Variants in MAK observed in about 807,000 individuals in gnomAD.
The protein encoded by MAK is serine/threonine-protein kinase MAK.
Under a neutral mutation model 82.6 loss-of-function variants are expected in MAK, and 65 were observed. The observed-to-expected ratio is 0.79, with a 90% confidence interval of 0.64 to 0.97. The LOEUF is 0.97. MAK is among the 50% of genes least tolerant of loss of function. MAK has a pLI of 0.00. For synonymous variants in MAK, 250 were observed against 274.2 expected, an observed-to-expected ratio of 0.91 and a Z score of 0.87; for missense variants, 703 against 780.2, an observed-to-expected ratio of 0.90 and a Z score of 1.18.
intron 1 of MAK, among the ~76,000 whole-genome samples, chr6:10,837,009 T>G (rs570078668): frequency 2.2e-4 from 34 of 152,346 alleles, no homozygotes; most frequent in African/African-American, 7.2e-4. Flanking sequence ...TCTCAACAGC[T>G]TTTGCCAGCT....
intron 11 of MAK, among the ~76,000 whole-genome samples, chr6:10,781,462 C>T (rs902987593): frequency 7.1e-6 from 1 of 141,490 alleles, no homozygotes; most frequent in East Asian, 2.1e-4. Flanking sequence ...CTCACTCTGT[C>T]ACCCAGGCTG....
At chr6:10,786,089 AC>A (rs1403285951) in intron 10 of MAK, among the ~76,000 whole-genome samples, 1 of 152,084 alleles carries the variant, frequency 6.6e-6, no homozygotes, top group African/African-American at 2.4e-5. Flanking sequence ...TACTAAAAAT[AC>A]AAAAATTAGC....
At chr6:10,803,544 C>A (rs1196162690) in intron 7 of MAK, among the ~76,000 whole-genome samples, 176 bp downstream of exon 7, 163 of 135,364 alleles carry the variant, frequency 1.2e-3, no homozygotes, top group Admixed American at 1.1e-3. Flanking sequence ...GACTCCATCT[C>A]AAAAAAAAAA....
rs1002835989 is a variant in MAK, at chr6:10,817,107, A to G, written c.278+743T>C. On this transcript the variant is annotated intron_variant, in intron 4 of 14. Transcript: ENST00000354489. ...ATATGATTAAAGAATAATTCAAGTA[A>G]CATCCTCAGACCTTGAGCGAGAGTG... Among the ~76,000 whole-genome samples, 8 of 147,214 alleles carry G rather than the reference A, an allele frequency of 5.4e-5. No homozygotes were observed. In the East Asian group the frequency reaches 1.6e-3, roughly 29 times the overall value.
chr6:10,775,481 CTT>C, intron 11 of MAK, 22 bp from the exon 12 acceptor site: 1 of 1,610,248 alleles, frequency 6.2e-7, no homozygotes, highest in South Asian at 1.1e-5. Flanking sequence ...AAAACAACCA[CTT>C]CAAAGGTTAG....
intron 12 of MAK, 23 bp from the exon 13 acceptor site, chr6:10,773,131 G>A: frequency 7.9e-7 from 1 of 1,272,432 alleles, no homozygotes; most frequent in East Asian, 2.5e-5. Flanking sequence ...CAGATGGAAA[G>A]AAAGAATAAT....
chr6:10,829,019 A>G (rs1778584643), intron 2 of MAK: 1 of 152,176 alleles, frequency 6.6e-6, no homozygotes, highest in African/African-American at 2.4e-5. Flanking sequence ...GCCCTAGCAA[A>G]CCAAGAGTGA....
Position 10,808,984 on chromosome 6 carries a change from C to T in MAK, c.359-42G>A, listed in dbSNP as rs200043243. The T allele has an allele frequency of 4.7e-4, 708 of 1,509,094 alleles. 1 individual carries two copies. The highest frequency in any genetic ancestry group is 5.0e-4 in the Non-Finnish European group (545 of 1,087,018). The allele number at this position is 1,509,094 out of a possible 1,614,324, so 93.5% of individuals were successfully genotyped here. A position where few individuals can be genotyped will look rare whatever the true frequency, so the allele number is the denominator to read the frequency against. On this transcript the variant is annotated intron_variant, in intron 5 of 14. Transcript: ENST00000354489. ...GAAAAAAAAATACAGTAAATCATTA[C>T]GTTTAAACATAGCTTTATTTGATTT... is the stretch of plus-strand genomic sequence containing the variant.
In MAK at chr6:10,803,720, T is replaced by C. The variant is rs1186137920; in HGVS notation, c.663A>G (p.Lys221=). 1 of 1,612,448 alleles carries C rather than the reference T, an allele frequency of 6.2e-7. No homozygotes were observed. The highest frequency in any genetic ancestry group is 1.3e-5 in the African/African-American group (1 of 74,864). ...KICQVLGTPK[K]SDWPEGYQLA... is the part of the protein sequence containing the mutation. Reference sequence around the variant, plus strand: ...GCAACTTAGGGACAAGAGTACTTACTTTTTTGGGAGTCCCTAAAACTTGGC... The same window carrying C: ...GCAACTTAGGGACAAGAGTACTTACCTTTTTGGGAGTCCCTAAAACTTGGC... The change falls in exon 7 of 15, where the codon AAA becomes AAG. Residue 221 remains lysine (K), a splice_region_variant and synonymous_variant. Coordinates refer to ENST00000354489, the MANE Select transcript of MAK (RefSeq NM_001242957.3).
chr6:10,788,704 C>T (rs749150579), intron 10 of MAK, among the ~76,000 whole-genome samples: 2 of 152,062 alleles, frequency 1.3e-5, no homozygotes, highest in Non-Finnish European at 2.9e-5. Flanking sequence ...TCACTGCACT[C>T]CAGCCTGGGC....
In MAK at chr6:10,831,807, ATGT is replaced by A. The variant is rs1423572120; in HGVS notation, c.-229-933_-229-931del. On this transcript the variant is annotated intron_variant, in intron 1 of 14. Coordinates refer to ENST00000354489, the MANE Select transcript of MAK (RefSeq NM_001242957.3). The stretch of plus-strand genomic sequence containing the variant: ...AGTAGAGCCTGAAGATGTGACTGAA[ATGT>A]TGTAACCTCATAATCAAACTTGAAT... Among the ~76,000 whole-genome samples, 6 of 152,310 alleles carry A rather than the reference ATGT, an allele frequency of 3.9e-5. No individual in the cohort carries two copies. The South Asian group carries it at 1.0e-3, about 26-fold the overall frequency.
chr6:10,769,748 G>C (rs1487084454), intron 14 of MAK, among the ~76,000 whole-genome samples: 1 of 152,216 alleles, frequency 6.6e-6, no homozygotes, highest in African/African-American at 2.4e-5. Flanking sequence ...TTCTATCCCA[G>C]CTCCACTAGC....
chr6:10,782,667 C>T (rs1774105973), intron 11 of MAK, among the ~76,000 whole-genome samples: 1 of 151,240 alleles, frequency 6.6e-6, no homozygotes, highest in Non-Finnish European at 1.5e-5. Flanking sequence ...CAACCTCCAC[C>T]TCCTGGGTCA....
chr6:10,763,510 CTT>C lies in MAK; in HGVS notation c.*940_*941del, dbSNP rs1258654347. 1 of 147,616 alleles carries C rather than the reference CTT, an allele frequency of 6.8e-6. No homozygotes were observed. The highest frequency in any genetic ancestry group is 1.5e-5 in the Non-Finnish European group (1 of 67,536). The allele number at this position is 147,616 out of a possible 1,614,324, so 9.1% of individuals were successfully genotyped here. On this transcript the variant is annotated 3_prime_UTR_variant, in exon 15 of 15. Transcript: ENST00000354489. ...CGTCCACTAAAATCAAGTGGCATAA[CTT>C]TGATATTCTCTATGTTAAAGATAAA...
At chr6:10,798,279 T>C (rs1332355040) in intron 8 of MAK, among the ~76,000 whole-genome samples, 2 of 152,098 alleles carry the variant, frequency 1.3e-5, no homozygotes, top group African/African-American at 4.8e-5. Context: ...CATGCCCAGC[T>C]AATTTTTGTA....
At position 10,776,858 on chromosome 6, in the gene MAK, G is replaced by A. The variant is rs562162927; in HGVS notation, c.1466-1399C>T. Among the ~76,000 whole-genome samples, 104 of 148,108 alleles carry A rather than the reference G, an allele frequency of 7.0e-4. No individual in the cohort carries two copies. The highest frequency in any genetic ancestry group is 2.3e-3 in the African/African-American group (92 of 40,154). ...TCCCAGCACTTTGGGAGGCCGAGGC[G>A]GGCGGATCACGAGGTCAGGAGTTTG... On this transcript the variant is annotated intron_variant, in intron 11 of 14. Coordinates refer to ENST00000354489, the MANE Select transcript of MAK (RefSeq NM_001242957.3). The surrounding 1 kb of genome is among the most constrained non-coding windows in gnomAD (Gnocchi z 4.3).
At chr6:10,777,095 G>A (rs1012981295) in intron 11 of MAK, among the ~76,000 whole-genome samples, 3 of 150,800 alleles carry the variant, frequency 2.0e-5, no homozygotes, top group Non-Finnish European at 4.4e-5. Flanking sequence ...GATGCACTTG[G>A]TGGCAATTAC....
chr6:10,821,874 A>G (rs554050374), intron 2 of MAK, among the ~76,000 whole-genome samples: 108 of 150,652 alleles, frequency 7.2e-4, no homozygotes, highest in Middle Eastern at 3.5e-3. Flanking sequence ...GAGGCCGGGC[A>G]CGGTGGCTCA....
intron 9 of MAK, among the ~76,000 whole-genome samples, chr6:10,792,677 G>T (rs1775184211): frequency 6.6e-6 from 1 of 152,116 alleles, no homozygotes; most frequent in South Asian, 2.1e-4. Flanking sequence ...TCAAAACTAG[G>T]GAAGAGAGCA....
Sources: allele counts gnomAD v4.1 joint callset (sites outside exome capture counted in the v4.1 genomes callset), GRCh38; gene constraint gnomAD v4.1.1; non-coding constraint Gnocchi (gnomAD v3.1); transcripts MANE v1.5; gene names NCBI Gene and HGNC (gene_info 2026-07-23, HGNC 2026-07-21).